Variants in KNL1 observed in about 807,000 individuals in gnomAD.
KNL1 encodes kinetochore scaffold 1, also known as outer kinetochore KNL1 complex subunit KNL1.
Under a neutral mutation model 201.3 loss-of-function variants are expected in KNL1, and 66 were observed. The ratio of observed to expected loss-of-function variants is 0.33; its 90% CI spans 0.27 to 0.40. The LOEUF (loss-of-function observed/expected upper bound fraction) is 0.40, where lower values mean the gene tolerates loss of function less well. KNL1 is among the 10% of genes least tolerant of loss of function. The pLI is 1.00. For synonymous variants in KNL1, 895 were observed against 899.2 expected (o/e 1.00, Z 0.08); for missense variants, 2,815 against 2,690.5 (o/e 1.05, Z -1.02).
In KNL1 at chr15:40,657,056, C is replaced by G; in HGVS notation, c.6499C>G (p.Pro2167Ala). Residue 2167 changes from proline (P) to alanine (A), a missense_variant, in exon 23 of 26, where the codon CCT becomes GCT. Coordinates refer to ENST00000399668, the MANE Select transcript of KNL1 (RefSeq NM_144508.5). Reference protein sequence around the residue: ...QSLLDEDQAPPSSLLVHKLIF... With the variant: ...QSLLDEDQAPASSLLVHKLIF... ...TCCTTCCCCAGAGGATCAAGCTCCT[C>G]CTTCCTCCCTTTTAGTTCATAAGCT... 6.4e-7 allele frequency: 1 copy of G among 1,572,262 alleles called. No individual in the cohort carries two copies. The highest frequency in any genetic ancestry group is 8.6e-7 in the Non-Finnish European group (1 of 1,159,024).
At chr15:40,644,852 TAAC>T (rs968751878) in intron 14 of KNL1, 142 bp from the exon 15 acceptor site, 2 of 478,430 alleles carry the variant, frequency 4.2e-6, no homozygotes, top group Non-Finnish European at 7.6e-6. Flanking sequence ...AGCTACAAAT[TAAC>T]AACATCTCAG....
chr15:40,649,147 C>T (rs1341669410), intron 17 of KNL1, among the ~76,000 whole-genome samples: 1 of 150,576 alleles, frequency 6.6e-6, no homozygotes, highest in Non-Finnish European at 1.5e-5. Context: ...CCAAACTTAA[C>T]TTTCTCTGTG....
intron 1 of KNL1, among the ~76,000 whole-genome samples, chr15:40,600,075 C>CTT (rs10706832): frequency 6.0e-5 from 6 of 100,184 alleles, no homozygotes; most frequent in South Asian, 3.2e-4. Flanking sequence ...TTTGGGATTC[C>CTT]TTTTTTTTTT....
chr15:40,655,346 C>A (rs540690750), intron 22 of KNL1, among the ~76,000 whole-genome samples: 1 of 152,028 alleles, frequency 6.6e-6, no homozygotes, highest in Non-Finnish European at 1.5e-5. Context: ...GTAATCCCAG[C>A]ACTTTGGGAG....
chr15:40,611,144 T>C (rs1178306658), intron 6 of KNL1, among the ~76,000 whole-genome samples: 1 of 151,674 alleles, frequency 6.6e-6, no homozygotes, highest in East Asian at 1.9e-4. Flanking sequence ...TTGCTTGCCC[T>C]GTCGCCCAGG....
chr15:40,652,760 C>CAAAAAA (rs3986318), intron 21 of KNL1, among the ~76,000 whole-genome samples: 1 of 116,774 alleles, frequency 8.6e-6, no homozygotes, highest in Non-Finnish European at 1.7e-5. Flanking sequence ...AAAACTGTCT[C>CAAAAAA]AAAAAAAAAA....
At chr15:40,617,237 G>A (rs1428180661) in intron 8 of KNL1, among the ~76,000 whole-genome samples, 3 of 152,152 alleles carry the variant, frequency 2.0e-5, no homozygotes, top group Non-Finnish European at 2.9e-5. Flanking sequence ...GTGAGCCTCC[G>A]CACTCAGCCC....
chr15:40,654,777 G>C (rs1177108489), intron 21 of KNL1, 132 bp from the exon 22 acceptor site: 2 of 624,592 alleles, frequency 3.2e-6, no homozygotes, highest in Admixed American at 2.6e-5. Flanking sequence ...GCTGAGGCAG[G>C]AGAATCGCTT....
intron 1 of KNL1, among the ~76,000 whole-genome samples, chr15:40,602,648 A>C (rs1003902878): frequency 6.6e-6 from 1 of 151,096 alleles, no homozygotes; most frequent in African/African-American, 2.4e-5. Context: ...CACCACGCCC[A>C]GCTAATTTTG....
rs1892659610 is a variant in KNL1, at chr15:40,624,287, T to C, written c.4023T>C (p.Tyr1341=). ...GCCCAGTGCAAAATGATCTTGCTTA[T>C]GCAAATGATTTTGCCAGTGAATATT... ...NYCPVQNDLA[Y]ANDFASEYYL... The change falls in exon 10 of 26, where the codon TAT becomes TAC. Residue 1341 remains tyrosine (Y), a synonymous_variant. Transcript: ENST00000399668. 1.9e-6 allele frequency: 3 copies of C among 1,614,098 alleles called. No individual in the cohort carries two copies. In the Admixed American group the frequency reaches 5.0e-5, roughly 27 times the overall value.
At position 40,625,110 on chromosome 15, in the gene KNL1, A is replaced by G. The variant is rs1412116295; in HGVS notation, c.4846A>G (p.Lys1616Glu). Reference sequence around the variant, plus strand: ...TATTAACATAATCTCCAGCAATGCTAAAGATAGTAGAGATGAGGAAAATAA... The same window carrying G: ...TATTAACATAATCTCCAGCAATGCTGAAGATAGTAGAGATGAGGAAAATAA... ...HNINIISSNAKDSRDEENKKS... is the reference protein window; with the variant it reads ...HNINIISSNAEDSRDEENKKS... The change falls in exon 10 of 26, where the codon AAA (lysine) becomes GAA (glutamate). Residue 1616 changes from lysine to glutamate, a missense_variant. Lys to Glu is a moderately conservative substitution (Grantham distance 56). This residue lies in a region of KNL1 where 2,464 missense variants were observed against 2,291.7 expected (regional missense o/e 1.08). Coordinates refer to ENST00000399668, the MANE Select transcript of KNL1 (RefSeq NM_144508.5). 1 of 1,614,046 alleles carries G rather than the reference A, an allele frequency of 6.2e-7. No homozygotes were observed. Among genetic ancestry groups the G allele is most frequent in the South Asian group, 1.1e-5 (1 of 91,080 alleles).
Position 40,625,072 on chromosome 15 carries a change from C to T in KNL1, c.4808C>T (p.Thr1603Ile). The T allele has an allele frequency of 6.2e-7, 1 of 1,613,554 alleles. No homozygotes were observed. The highest frequency in any genetic ancestry group is 8.5e-7 in the Non-Finnish European group (1 of 1,179,762). ...AATGATATGCATATAGTGCAAGCTA[C>T]AGAAATACATAATATTAACATAATC... ...AHNDMHIVQATEIHNINIISS... is the reference protein window; with the variant it reads ...AHNDMHIVQAIEIHNINIISS... The change falls in exon 10 of 26, where the codon ACA becomes ATA. Residue 1603 changes from threonine to isoleucine, a missense_variant. Physicochemically the swap from Thr to Ile is moderately conservative, Grantham distance 89. Around this residue, in one of 3 missense-constraint regions of KNL1, gnomAD observed 2,464 missense variants for 2,291.7 expected, o/e 1.08. Coordinates refer to ENST00000399668, the MANE Select transcript of KNL1 (RefSeq NM_144508.5).
intron 9 of KNL1, among the ~76,000 whole-genome samples, chr15:40,620,347 AGGTGCCC>A (rs1892477183): frequency 6.6e-6 from 1 of 152,110 alleles, no homozygotes; most frequent in African/African-American, 2.4e-5. Context: ...CTGGGACTAC[AGGTGCCC>A]GCCACCATGC....
rs540307626 is a variant in KNL1 at position 40,617,034 on chromosome 15, C to T, written c.322+1656C>T. Among the ~76,000 whole-genome samples, 122 of 152,232 alleles carry T rather than the reference C, an allele frequency of 8.0e-4. 1 individual carries two copies. The highest frequency in any genetic ancestry group is 5.0e-4 in the Non-Finnish European group (34 of 68,004). On this transcript the variant is annotated intron_variant, in intron 8 of 25. Transcript: ENST00000399668. ...TGCGATCTTGGCTCACTGCAACCTC[C>T]GCCTCCCAGGTTCAAGCGATTTTCC...
intron 13 of KNL1, among the ~76,000 whole-genome samples, chr15:40,639,026 C>G (rs943272999): frequency 1.3e-5 from 2 of 151,946 alleles, no homozygotes; most frequent in Admixed American, 1.3e-4. Context: ...CTCCCAAACT[C>G]AGGTGATCCG....
intron 5 of KNL1, 109 bp downstream of exon 5, chr15:40,609,017 T>C: frequency 1.4e-6 from 1 of 699,468 alleles, no homozygotes; most frequent in Non-Finnish European, 2.4e-6. Context: ...AAACATTAGT[T>C]ATTCTTCAAA....
chr15:40,608,433 G>GAAAA (rs1240921260), intron 4 of KNL1, among the ~76,000 whole-genome samples: 1 of 80,982 alleles, frequency 1.2e-5, no homozygotes, highest in Admixed American at 1.4e-4. Context: ...AACCGTCTTG[G>GAAAA]AAAAAAAAAA....
intron 5 of KNL1, 68 bp from the exon 6 acceptor site, chr15:40,610,177 A>C: frequency 1.1e-6 from 1 of 881,750 alleles, no homozygotes. Flanking sequence ...AACACAGACT[A>C]TAAATCAACA....
intron 16 of KNL1, chr15:40,646,751 G>A (rs1038818333): frequency 7.6e-6 from 2 of 261,680 alleles, no homozygotes; most frequent in African/African-American, 2.3e-5. Context: ...CAGCTAATCA[G>A]GAGGCTGAGG....
Sources: gnomAD v4.1 joint callset for allele counts (sites outside exome capture counted in the v4.1 genomes callset) on GRCh38, gnomAD v4.1.1 for gene constraint, gnomAD v4.1.1 regional missense constraint, MANE v1.5 for transcripts, NCBI Gene and HGNC (gene_info 2026-07-23, HGNC 2026-07-21) for gene names.